The following ITPRID1 variants were observed in gnomAD, a reference collection of about 807,000 sequenced individuals.
ITPRID1 encodes the protein protein ITPRID1.
Under a neutral mutation model 95.4 loss-of-function variants are expected in ITPRID1, and 96 were observed. The observed-to-expected ratio is 1.01, with a 90% CI of 0.85 to 1.19. The LOEUF is 1.19. Among genes scored for constraint, ITPRID1 ranks in the 50% most tolerant of loss-of-function variants. The pLI is 0.00. For synonymous variants in ITPRID1, 510 were observed against 453.6 expected, an observed-to-expected ratio of 1.12 and a Z score of -1.58; for missense variants, 1,339 against 1,252.9, an observed-to-expected ratio of 1.07 and a Z score of -1.04.
chr7:31,631,627 TTGAC>T (rs1435931186), intron 10 of ITPRID1, among the ~76,000 whole-genome samples: 2 of 152,126 alleles, frequency 1.3e-5, no homozygotes, highest in Non-Finnish European at 2.9e-5. Flanking sequence ...GAAGGTTATT[TTGAC>T]TGAAGAACAA....
rs750544823 is a variant in ITPRID1 at position 31,519,620 on chromosome 7, C to CTATATATATA, written c.-98+5517_-98+5526dup. Among the ~76,000 whole-genome samples the CTATATATATA allele has an allele frequency of 4.8e-3, 122 of 25,236 alleles. 4 individuals are homozygous for CTATATATATA. Among genetic ancestry groups the CTATATATATA allele is most frequent in the Admixed American group, 9.4e-3 (16 of 1,696 alleles). 16.6% of individuals were successfully genotyped at this position (25,236 alleles called of 152,430 possible). A position where few individuals can be genotyped will look rare whatever the true frequency, so the allele number is the denominator to read the frequency against. On this transcript the variant is annotated intron_variant, in intron 1 of 14. Coordinates refer to ENST00000615280, the MANE Select transcript of ITPRID1 (RefSeq NM_001257967.3). ...TCTCTCTCTCTCTCTCTCTCTCTCT[C>CTATATATATA]TATATATATATATATATATATATAT...
In ITPRID1 at chr7:31,578,100, T is replaced by A; in HGVS notation, c.836T>A (p.Val279Glu). 6.2e-7 allele frequency: 1 copy of A among 1,613,590 alleles called. No homozygotes were observed. The highest frequency in any genetic ancestry group is 1.1e-5 in the South Asian group (1 of 91,022). The change falls in exon 9 of 15, where the codon GTG becomes GAG. Residue 279 changes from valine to glutamate, a missense_variant. Physicochemically the swap from Val to Glu is moderately radical, Grantham distance 121. Transcript: ENST00000615280. The part of the protein sequence containing the change: ...CNPEVSESFK[V>E]KDEVFVPFTK... ...CCAGAGGTATCAGAGTCCTTCAAGG[T>A]GAAGGATGAAGTTTTTGTTCCCTTT... is the stretch of plus-strand genomic sequence containing the variant.
chr7:31,636,000 C>G (rs2091957628), intron 10 of ITPRID1, among the ~76,000 whole-genome samples: 1 of 152,112 alleles, frequency 6.6e-6, no homozygotes, highest in Non-Finnish European at 1.5e-5. Context: ...GGGGAGGCCT[C>G]AGGAAACTTA....
Position 31,571,773 on chromosome 7 carries a change from C to T in ITPRID1, c.309-329C>T, listed in dbSNP as rs1299363597. Among the ~76,000 whole-genome samples the T allele has an allele frequency of 2.0e-5, 3 of 152,154 alleles. No individual in the cohort carries two copies. In the East Asian group the frequency reaches 5.8e-4, roughly 29 times the overall value. ...TTCAGCATATAATTTTAACTTCTTC[C>T]TGAAAGTTGGTGCCTAGCAAAGCTG... is the stretch of plus-strand genomic sequence containing the variant. On this transcript the variant is annotated intron_variant, in intron 6 of 14. Transcript: ENST00000615280.
intron 10 of ITPRID1, among the ~76,000 whole-genome samples, chr7:31,615,669 C>T (rs1787131940): frequency 2.1e-5 from 3 of 142,626 alleles, no homozygotes; most frequent in Non-Finnish European, 4.6e-5. Flanking sequence ...CATTCTTAGA[C>T]ATGACCAAGA....
chr7:31,516,356 C>A (rs1399537657), intron 1 of ITPRID1, among the ~76,000 whole-genome samples: 1 of 152,110 alleles, frequency 6.6e-6, no homozygotes, highest in Non-Finnish European at 1.5e-5. Context: ...ATATATCAAA[C>A]CTTAGACTCT....
At chr7:31,577,614 T>C (rs1336199791) in intron 8 of ITPRID1, among the ~76,000 whole-genome samples, 2 of 152,202 alleles carry the variant, frequency 1.3e-5, no homozygotes, top group South Asian at 2.1e-4. Context: ...TGAATCTAAA[T>C]AGTTATGCGT....
At position 31,621,496 on chromosome 7, in the gene ITPRID1, C is replaced by G. The variant is rs1787889633; in HGVS notation, c.1229-20680C>G. Among the ~76,000 whole-genome samples the G allele has an allele frequency of 2.1e-5, 3 of 141,116 alleles. No individual in the cohort carries two copies. In the Admixed American group the frequency reaches 2.2e-4, roughly 10 times the overall value. 92.6% of individuals were successfully genotyped at this position (141,116 alleles called of 152,430 possible). On this transcript the variant is annotated intron_variant, in intron 10 of 14. Transcript: ENST00000615280. ...AATTTTCAACCCAGAATTTCATATC[C>G]AGCCAAACTAAGCTTCATAAGTGAA...
chr7:31,579,036 GT>G (rs1350057720), intron 9 of ITPRID1, among the ~76,000 whole-genome samples: 1 of 152,138 alleles, frequency 6.6e-6, no homozygotes, highest in Non-Finnish European at 1.5e-5. Flanking sequence ...ATTTTTATTT[GT>G]TTGCTTTGGG....
chr7:31,573,820 A>C (rs1412599143), intron 7 of ITPRID1, among the ~76,000 whole-genome samples: 1 of 150,524 alleles, frequency 6.6e-6, no homozygotes, highest in Non-Finnish European at 1.5e-5. Context: ...AATTATAACA[A>C]AATTAAATAA....
chr7:31,622,167 C>G, intron 10 of ITPRID1, among the ~76,000 whole-genome samples: 3 of 133,374 alleles, frequency 2.2e-5, no homozygotes, highest in Admixed American at 7.7e-5. Flanking sequence ...GAGACTTTAA[C>G]ACCCCACTGT....
intron 12 of ITPRID1, among the ~76,000 whole-genome samples, chr7:31,645,022 T>A (rs2128212767): frequency 6.6e-6 from 1 of 152,344 alleles, no homozygotes; most frequent in East Asian, 1.9e-4. Context: ...TTTGTTGGGC[T>A]CCTAATATAT....
intron 10 of ITPRID1, among the ~76,000 whole-genome samples, chr7:31,592,090 C>A (rs1785890289): frequency 1.3e-5 from 2 of 152,132 alleles, no homozygotes; most frequent in South Asian, 4.1e-4. Flanking sequence ...TGTGAACCAA[C>A]AATTTTATAC....
intron 10 of ITPRID1, among the ~76,000 whole-genome samples, chr7:31,589,532 A>T (rs1037538020): frequency 3.9e-5 from 6 of 152,194 alleles, no homozygotes; most frequent in African/African-American, 1.4e-4. Flanking sequence ...AAAGAAAACC[A>T]CCTAAATAAT....
intron 1 of ITPRID1, among the ~76,000 whole-genome samples, chr7:31,524,508 A>C (rs1469175765): frequency 1.1e-4 from 16 of 152,146 alleles, no homozygotes; most frequent in Admixed American, 9.2e-4. Context: ...AGCTGCCTCC[A>C]TTTTGTTACT....
intron 10 of ITPRID1, among the ~76,000 whole-genome samples, chr7:31,584,437 T>C (rs1018145345): frequency 2.0e-5 from 3 of 152,204 alleles, no homozygotes; most frequent in African/African-American, 4.8e-5. Context: ...AATTGAATGC[T>C]TTTCAATGAA....
At chr7:31,563,476 G>T (rs1474947232) in intron 5 of ITPRID1, among the ~76,000 whole-genome samples, 1 of 152,134 alleles carries the variant, frequency 6.6e-6, no homozygotes, top group African/African-American at 2.4e-5. Context: ...AGTTGTACTT[G>T]TGGTCTGGGC....
intron 10 of ITPRID1, among the ~76,000 whole-genome samples, chr7:31,587,553 G>A (rs1304368645): frequency 1.4e-5 from 2 of 146,610 alleles, no homozygotes; most frequent in Non-Finnish European, 3.0e-5. Flanking sequence ...TCGTGAAAAT[G>A]GCCATACTGC....
intron 9 of ITPRID1, among the ~76,000 whole-genome samples, chr7:31,582,044 T>C (rs1297864045): frequency 1.3e-5 from 2 of 152,226 alleles, no homozygotes; most frequent in Non-Finnish European, 1.5e-5. Flanking sequence ...CCACAATGTT[T>C]AAAATGTTTA....
Sources: gnomAD v4.1 joint callset for allele counts (sites outside exome capture counted in the v4.1 genomes callset) on GRCh38, gnomAD v4.1.1 for gene constraint, MANE v1.5 for transcripts, NCBI Gene and HGNC (gene_info 2026-07-23, HGNC 2026-07-21) for gene names.